UGT2B7: variants seen among roughly 807,000 people sequenced by gnomAD.
UGT2B7 encodes UDP-glucuronosyltransferase 2B7.
Under a neutral mutation model 51.9 loss-of-function variants are expected in UGT2B7, and 51 were observed. The ratio of observed to expected loss-of-function variants is 0.98; its 90% CI spans 0.78 to 1.24. UGT2B7 has a LOEUF of 1.24. Ranked by LOEUF, UGT2B7 falls within the 50% of genes most tolerant of loss-of-function variation. The pLI is 0.00. For synonymous variants in UGT2B7, 225 were observed against 211.6 expected, an observed-to-expected ratio of 1.06 and a Z score of -0.55; for missense variants, 727 against 628.4, an observed-to-expected ratio of 1.16 and a Z score of -1.68.
rs1255842063 is a variant in UGT2B7 at position 69,096,936 on chromosome 4, A to C, written c.416A>C (p.Lys139Thr). 6.2e-7 allele frequency: 1 copy of C among 1,612,228 alleles called. No individual in the cohort carries two copies. Among genetic ancestry groups the C allele is most frequent in the Non-Finnish European group, 8.5e-7 (1 of 1,179,538 alleles). The change falls in exon 1 of 6, where the codon AAA (lysine) becomes ACA (threonine). Residue 139 changes from lysine to threonine, a missense_variant. Coordinates refer to ENST00000305231, the MANE Select transcript of UGT2B7 (RefSeq NM_001074.4). ...GTTTCAAATAAGAAATTTATGAAAA[A>C]AGTACAAGAGTCAAGATTTGACGTC... ...DVVSNKKFMKKVQESRFDVIF... is the reference protein window; with the variant it reads ...DVVSNKKFMKTVQESRFDVIF...
chr4:69,086,428 T>C (rs961810896), intron 1 of UGT2B7, among the ~76,000 whole-genome samples: 38 of 151,920 alleles, frequency 2.5e-4, no homozygotes, highest in Non-Finnish European at 4.0e-4. Flanking sequence ...TCATGTGCTA[T>C]TGAGAAGATT....
At chr4:69,060,828 A>G (rs913975467) in intron 1 of UGT2B7, among the ~76,000 whole-genome samples, 30 of 152,172 alleles carry the variant, frequency 2.0e-4, no homozygotes, top group Non-Finnish European at 5.9e-5. Flanking sequence ...GAATAACTCA[A>G]TACCAAGGGC....
intron 1 of UGT2B7, among the ~76,000 whole-genome samples, chr4:69,083,025 T>A (rs1201840078): frequency 6.6e-6 from 1 of 152,150 alleles, no homozygotes; most frequent in Non-Finnish European, 1.5e-5. Flanking sequence ...CTTGAGAATC[T>A]GCTTTGCCTG....
chr4:69,088,797 C>G (rs1209876278), intron 1 of UGT2B7, among the ~76,000 whole-genome samples: 1 of 152,088 alleles, frequency 6.6e-6, no homozygotes, highest in Non-Finnish European at 1.5e-5. Flanking sequence ...CTCCTAATGC[C>G]TCTCCTGAGG....
intron 1 of UGT2B7, among the ~76,000 whole-genome samples, chr4:69,060,500 C>T (rs1456636779): frequency 6.6e-6 from 1 of 152,192 alleles, no homozygotes; most frequent in Non-Finnish European, 1.5e-5. Context: ...ATCAAAGAAG[C>T]CTTGACTCAG....
At chr4:69,068,208 A>G (rs551302614) in intron 1 of UGT2B7, among the ~76,000 whole-genome samples, 5 of 152,126 alleles carry the variant, frequency 3.3e-5, no homozygotes, top group Non-Finnish European at 5.9e-5. Flanking sequence ...TCTAATTCCC[A>G]TTATATTTAA....
chr4:69,084,134 T>G (rs1718897337), intron 1 of UGT2B7, among the ~76,000 whole-genome samples: 1 of 152,126 alleles, frequency 6.6e-6, no homozygotes, highest in African/African-American at 2.4e-5. Context: ...ACTGATAAAA[T>G]TATATGTTTT....
intron 1 of UGT2B7, among the ~76,000 whole-genome samples, chr4:69,059,043 G>A (rs975430457): frequency 6.6e-6 from 1 of 152,226 alleles, no homozygotes; most frequent in African/African-American, 2.4e-5. Flanking sequence ...GCCAGGGGCT[G>A]CCACACCCAG....
At chr4:69,069,405 T>C (rs1260795211) in intron 1 of UGT2B7, among the ~76,000 whole-genome samples, 1 of 152,088 alleles carries the variant, frequency 6.6e-6, no homozygotes, top group Non-Finnish European at 1.5e-5. Context: ...CTGATTTCAA[T>C]TTCTAGGCTA....
intron 1 of UGT2B7, among the ~76,000 whole-genome samples, chr4:69,068,280 G>A (rs1404759563): frequency 6.6e-6 from 1 of 151,910 alleles, no homozygotes; most frequent in East Asian, 1.9e-4. Flanking sequence ...AACAGCTAGA[G>A]CTTTCAAATT....
At chr4:69,087,158 G>C (rs1718981391) in intron 1 of UGT2B7, among the ~76,000 whole-genome samples, 1 of 149,606 alleles carries the variant, frequency 6.7e-6, no homozygotes. Flanking sequence ...CTTCCTTTAT[G>C]GTTAAGTAAT....
At chr4:69,084,546 C>T (rs541899384) in intron 1 of UGT2B7, among the ~76,000 whole-genome samples, 103 of 152,126 alleles carry the variant, frequency 6.8e-4, no homozygotes, top group Admixed American at 1.2e-3. Flanking sequence ...GTTTGCTGCA[C>T]CCATCAACCA....
upstream of UGT2B7, among the ~76,000 whole-genome samples, chr4:69,095,932 G>A (rs1294466782): frequency 6.6e-6 from 1 of 152,066 alleles, no homozygotes; most frequent in Non-Finnish European, 1.5e-5. Context: ...CAATTACCTA[G>A]GACAGGGGAA....
intron 1 of UGT2B7, among the ~76,000 whole-genome samples, chr4:69,064,094 A>AAGAGAG (rs112391559): frequency 3.6e-5 from 3 of 84,422 alleles, no homozygotes; most frequent in Admixed American, 1.2e-4. Flanking sequence ...GAAAGAAAGA[A>AAGAGAG]AGAGAAAGAA....
chr4:69,103,045 T>A, intron 3 of UGT2B7, 107 bp downstream of exon 3: 2 of 1,520,742 alleles, frequency 1.3e-6, no homozygotes, highest in Non-Finnish European at 1.8e-6. Context: ...TGACCAAAAG[T>A]TGAAAAATTA....
intron 5 of UGT2B7, among the ~76,000 whole-genome samples, chr4:69,108,667 T>C (rs1364458758): frequency 6.6e-6 from 1 of 152,062 alleles, no homozygotes; most frequent in African/African-American, 2.4e-5. Flanking sequence ...TAATTAGATA[T>C]CTAAAACACC....
At chr4:69,112,366 G>T in intron 5 of UGT2B7, 91 bp from the exon 6 acceptor site, 3 of 1,501,150 alleles carry the variant, frequency 2.0e-6, no homozygotes, top group Middle Eastern at 2.5e-4. Context: ...GCTCCCAGCC[G>T]AATAAAACCC....
intron 1 of UGT2B7, among the ~76,000 whole-genome samples, chr4:69,060,286 G>A (rs1019948404): frequency 2.6e-5 from 4 of 152,208 alleles, no homozygotes; most frequent in African/African-American, 4.8e-5. Flanking sequence ...AGGAAAAGAT[G>A]GCTTGGTAGT....
At chr4:69,106,098 T>C (rs1291332989) in intron 3 of UGT2B7, among the ~76,000 whole-genome samples, 1 of 152,162 alleles carries the variant, frequency 6.6e-6, no homozygotes, top group Non-Finnish European at 1.5e-5. Flanking sequence ...TTAAATTAAT[T>C]TAACTTTTAT....
Sources: allele counts gnomAD v4.1 joint callset (sites outside exome capture counted in the v4.1 genomes callset), GRCh38; gene constraint gnomAD v4.1.1; transcripts MANE v1.5; gene names NCBI Gene and HGNC (gene_info 2026-07-23, HGNC 2026-07-21).